FHOD3: variants seen among roughly 807,000 people sequenced by gnomAD.
FHOD3 encodes FH1/FH2 domain-containing protein 3.
FHOD3 carries 90 observed loss-of-function variants against 173.0 expected under a neutral mutation model. The observed-to-expected ratio is 0.52, with a 90% confidence interval of 0.44 to 0.62. The LOEUF is 0.62. Ranked by LOEUF, FHOD3 falls within the 20% of genes least tolerant of loss-of-function variation. The probability of loss-of-function intolerance (pLI) is 0.00; values close to 1 mark genes in which losing one functional copy is unlikely to be tolerated. For missense variants in FHOD3, 1,945 were observed against 2,034.7 expected (o/e 0.96, Z 0.85); for synonymous variants, 828 against 823.0 (o/e 1.01, Z -0.10).
chr18:36,522,523 A>G (rs1406710718), intron 5 of FHOD3, among the ~76,000 whole-genome samples: 1 of 152,254 alleles, frequency 6.6e-6, no homozygotes, highest in Non-Finnish European at 1.5e-5. Context: ...CAGATAAAAT[A>G]CATGCAAATA....
At chr18:36,664,811 A>AGAGAGAGT (rs1434593563) in intron 14 of FHOD3, among the ~76,000 whole-genome samples, 1 of 148,920 alleles carries the variant, frequency 6.7e-6, no homozygotes, top group African/African-American at 2.6e-5. Flanking sequence ...AGAGAGAGAG[A>AGAGAGAGT]GAGATTGAGA....
intron 4 of FHOD3, among the ~76,000 whole-genome samples, chr18:36,502,362 T>G (rs2055083209): frequency 6.6e-6 from 1 of 152,122 alleles, no homozygotes; most frequent in African/African-American, 2.4e-5. Context: ...ACCCATCATC[T>G]ACATTAGGTA....
chr18:36,653,128 T>G (rs1338317453), intron 12 of FHOD3, among the ~76,000 whole-genome samples, 199 bp downstream of exon 12: 1 of 152,216 alleles, frequency 6.6e-6, no homozygotes, highest in African/African-American at 2.4e-5. Context: ...CAGAGAAAAT[T>G]GTCATCTGTT....
intron 1 of FHOD3, among the ~76,000 whole-genome samples, chr18:36,307,321 A>G (rs1457166175): frequency 6.6e-6 from 1 of 152,216 alleles, no homozygotes; most frequent in East Asian, 1.9e-4. Flanking sequence ...GATGGTCCTC[A>G]TATCTCCACA....
At chr18:36,710,278 A>G (rs2040099663) in intron 18 of FHOD3, 1 of 152,190 alleles carries the variant, frequency 6.6e-6, no homozygotes, top group South Asian at 2.1e-4. Context: ...TCCTTCCTCA[A>G]CAAACACTCC....
chr18:36,602,589 C>T (rs1319044837), intron 7 of FHOD3, 85 bp from the exon 8 acceptor site: 8 of 1,011,488 alleles, frequency 7.9e-6, no homozygotes, highest in East Asian at 2.4e-5. Context: ...TCACTGGATA[C>T]GTCCTTGGAT....
intron 1 of FHOD3, among the ~76,000 whole-genome samples, chr18:36,352,535 T>C (rs1054329599): frequency 6.6e-5 from 10 of 151,936 alleles, no homozygotes; most frequent in African/African-American, 2.4e-4. Context: ...CTGGTGGGAG[T>C]ATTTATGCCA....
At chr18:36,378,571 C>T (rs1343129369) in intron 3 of FHOD3, among the ~76,000 whole-genome samples, 3 of 137,938 alleles carry the variant, frequency 2.2e-5, no homozygotes, top group African/African-American at 8.3e-5. Context: ...TGTCCAACCC[C>T]TGTCCCCCCT....
intron 17 of FHOD3, among the ~76,000 whole-genome samples, chr18:36,696,475 A>T (rs1212450852): frequency 6.6e-6 from 1 of 152,246 alleles, no homozygotes. Context: ...AGAAGAAGAT[A>T]GGAAAACATT....
At chr18:36,337,868 T>C (rs1280734557) in intron 1 of FHOD3, among the ~76,000 whole-genome samples, 1 of 152,160 alleles carries the variant, frequency 6.6e-6, no homozygotes, top group East Asian at 1.9e-4. Context: ...AGTGGGGCTT[T>C]CTGTTTGTTC....
intron 1 of FHOD3, among the ~76,000 whole-genome samples, chr18:36,333,424 T>C (rs1422554756): frequency 2.6e-5 from 4 of 152,236 alleles, no homozygotes; most frequent in South Asian, 2.1e-4. Context: ...AGTCTTCACT[T>C]AATTTGGTGG....
intron 21 of FHOD3, among the ~76,000 whole-genome samples, 193 bp downstream of exon 21, chr18:36,741,031 G>T (rs1001849760): frequency 1.3e-5 from 2 of 152,056 alleles, no homozygotes; most frequent in African/African-American, 4.8e-5. Flanking sequence ...TAAAGTGTCT[G>T]CCTGGTGCCA....
intron 15 of FHOD3, among the ~76,000 whole-genome samples, chr18:36,684,567 G>A (rs1380482615): frequency 6.6e-6 from 1 of 152,112 alleles, no homozygotes; most frequent in East Asian, 1.9e-4. Flanking sequence ...TAGAAAATTT[G>A]TCAGATGGGC....
In FHOD3 at chr18:36,512,429, T is replaced by C; in HGVS notation, c.406-9T>C. On this transcript the variant is annotated splice_polypyrimidine_tract_variant and intron_variant, in intron 4 of 28. Coordinates refer to ENST00000590592, the MANE Select transcript of FHOD3 (RefSeq NM_001281740.3). The stretch of plus-strand genomic sequence containing the variant: ...GTATTTGAAGTATTTTTGTTTTCTT[T>C]CCTGCCAGGATGACAAGGATTTGGT... The C allele has an allele frequency of 6.2e-7, 1 of 1,611,014 alleles. No individual in the cohort carries two copies. Among genetic ancestry groups the C allele is most frequent in the South Asian group, 1.1e-5 (1 of 91,010 alleles).
intron 6 of FHOD3, among the ~76,000 whole-genome samples, chr18:36,592,254 A>G (rs952806953): frequency 2.1e-4 from 32 of 152,178 alleles, no homozygotes; most frequent in African/African-American, 6.8e-4. Context: ...TGTGTTAGTG[A>G]CCAAGGGGCT....
chr18:36,333,289 G>T (rs935284979), intron 1 of FHOD3, among the ~76,000 whole-genome samples: 1 of 152,196 alleles, frequency 6.6e-6, no homozygotes, highest in Non-Finnish European at 1.5e-5. Flanking sequence ...TGGCTGTCAG[G>T]TAAAGACAGC....
At chr18:36,612,238 C>A (rs923897449) in intron 9 of FHOD3, 143 bp downstream of exon 9, 12 of 838,288 alleles carry the variant, frequency 1.4e-5, no homozygotes, top group Non-Finnish European at 3.5e-6. Flanking sequence ...TCACCCCAGA[C>A]CTACTGAATC....
chr18:36,554,155 A>G (rs2147431790), intron 5 of FHOD3, among the ~76,000 whole-genome samples: 1 of 152,214 alleles, frequency 6.6e-6, no homozygotes, highest in Admixed American at 6.5e-5. Context: ...CCAAAGGACT[A>G]TAAATCATGC....
chr18:36,375,700 A>G (rs1000299569), intron 3 of FHOD3, among the ~76,000 whole-genome samples: 1 of 152,162 alleles, frequency 6.6e-6, no homozygotes, highest in African/African-American at 2.4e-5. Context: ...ACCCTCACGA[A>G]AAATGAAGGC....
Sources: gnomAD v4.1 joint callset for allele counts (sites outside exome capture counted in the v4.1 genomes callset) on GRCh38, gnomAD v4.1.1 for gene constraint, MANE v1.5 for transcripts, NCBI Gene and HGNC (gene_info 2026-07-23, HGNC 2026-07-21) for gene names.